The following GPC5 variants were observed in gnomAD, a reference collection of about 807,000 sequenced individuals.
GPC5 encodes the protein glypican-5.
GPC5 carries 47 observed loss-of-function variants against 53.9 expected under a neutral mutation model. That is an observed-to-expected ratio of 0.87 (90% CI 0.69 to 1.11). The LOEUF (loss-of-function observed/expected upper bound fraction) is 1.11, where lower values mean the gene tolerates loss of function less well. Among genes scored for constraint, GPC5 ranks in the 50% most tolerant of loss-of-function variants. The pLI is 0.00. For missense variants in GPC5, 748 were observed against 713.1 expected (o/e 1.05, Z -0.56); for synonymous variants, 286 against 263.3 (o/e 1.09, Z -0.84).
chr13:92,175,821 A>G (rs1424311237), intron 7 of GPC5, among the ~76,000 whole-genome samples: 1 of 152,142 alleles, frequency 6.6e-6, no homozygotes, highest in East Asian at 1.9e-4. Flanking sequence ...ACAGCCAGGC[A>G]CATTTATCTC....
At chr13:91,696,409 C>G (rs1424156916) in intron 3 of GPC5, among the ~76,000 whole-genome samples, 1 of 152,032 alleles carries the variant, frequency 6.6e-6, no homozygotes, top group Non-Finnish European at 1.5e-5. Context: ...CTTATGGGAA[C>G]AGAAGAAGAA....
chr13:92,451,710 C>G (rs1052474533), intron 7 of GPC5, among the ~76,000 whole-genome samples: 1 of 152,084 alleles, frequency 6.6e-6, no homozygotes, highest in Non-Finnish European at 1.5e-5. Context: ...TAATGGGTGT[C>G]GATAGAGACT....
chr13:92,151,525 C>T (rs557377222), intron 7 of GPC5, among the ~76,000 whole-genome samples: 1 of 152,184 alleles, frequency 6.6e-6, no homozygotes, highest in South Asian at 2.1e-4. Flanking sequence ...GGAACTGTAA[C>T]ACTTAGGCCA....
intron 1 of GPC5, among the ~76,000 whole-genome samples, chr13:91,400,664 G>T (rs545304541): frequency 6.6e-6 from 1 of 152,208 alleles, no homozygotes; most frequent in Admixed American, 6.5e-5. Context: ...CCCCAAATAT[G>T]GTAACTTTGC....
At chr13:92,382,728 T>C (rs2043759200) in intron 7 of GPC5, among the ~76,000 whole-genome samples, 3 of 152,204 alleles carry the variant, frequency 2.0e-5, no homozygotes, top group African/African-American at 7.2e-5. Flanking sequence ...AATCGCATTA[T>C]GGCCGGGCGC....
intron 5 of GPC5, among the ~76,000 whole-genome samples, chr13:91,806,829 G>T (rs2038229737): frequency 6.6e-6 from 1 of 152,114 alleles, no homozygotes; most frequent in African/African-American, 2.4e-5. Flanking sequence ...GCGAGAAATG[G>T]GGAGGAGGAA....
chr13:91,849,657 A>C (rs2038891634), intron 5 of GPC5, among the ~76,000 whole-genome samples: 1 of 152,174 alleles, frequency 6.6e-6, no homozygotes, highest in Non-Finnish European at 1.5e-5. Context: ...ACTCAAAGAA[A>C]TATGAGTTTC....
At chr13:92,692,776 T>TTTTTTTTTTTTTTTTTTTTTTTTTTTTC (rs1887448702) in intron 7 of GPC5, among the ~76,000 whole-genome samples, 1 of 146,516 alleles carries the variant, frequency 6.8e-6, no homozygotes, top group Non-Finnish European at 1.5e-5. Flanking sequence ...TTTTTTTTTT[T>TTTTTTTTTTTTTTTTTTTTTTTTTTTTC]ACATTTTACC....
At chr13:92,577,418 A>ATGTGTG (rs56162097) in intron 7 of GPC5, among the ~76,000 whole-genome samples, 8,096 of 145,382 alleles carry the variant, frequency 0.056, 234 homozygotes, top group East Asian at 0.14. Flanking sequence ...ATGTATGTAT[A>ATGTGTG]TGTGTGTGTG....
intron 6 of GPC5, among the ~76,000 whole-genome samples, chr13:91,942,896 A>T (rs955611761): frequency 6.6e-6 from 1 of 152,142 alleles, no homozygotes; most frequent in Non-Finnish European, 1.5e-5. Context: ...ATCCATATAC[A>T]TATTTAAGAA....
chr13:91,825,798 C>T (rs2038567156), intron 5 of GPC5, among the ~76,000 whole-genome samples: 1 of 151,984 alleles, frequency 6.6e-6, no homozygotes, highest in Non-Finnish European at 1.5e-5. Flanking sequence ...ACAAGACAGT[C>T]ATGAAAATGA....
intron 1 of GPC5, among the ~76,000 whole-genome samples, chr13:91,408,073 TTCAC>T (rs1877458189): frequency 6.6e-6 from 1 of 152,138 alleles, no homozygotes; most frequent in African/African-American, 2.4e-5. Context: ...ACATTTAACA[TTCAC>T]TCTCTTAGCA....
At chr13:91,946,450 T>A (rs1387523093) in intron 6 of GPC5, among the ~76,000 whole-genome samples, 1 of 152,118 alleles carries the variant, frequency 6.6e-6, no homozygotes, top group Admixed American at 6.5e-5. Flanking sequence ...CTCTCTAACA[T>A]AATTATATAT....
intron 6 of GPC5, chr13:91,995,045 C>T (rs910691037): frequency 6.6e-6 from 1 of 151,988 alleles, no homozygotes; most frequent in Non-Finnish European, 1.5e-5. Context: ...AATCTCGGCT[C>T]ACTGCAAGAT....
At chr13:92,452,851 G>A (rs1878119261) in intron 7 of GPC5, among the ~76,000 whole-genome samples, 1 of 152,184 alleles carries the variant, frequency 6.6e-6, no homozygotes, top group Admixed American at 6.5e-5. Context: ...TTACAGGCAT[G>A]AGCCACCACG....
chr13:91,931,140 A>C (rs2039818001), intron 6 of GPC5, among the ~76,000 whole-genome samples: 2 of 151,868 alleles, frequency 1.3e-5, no homozygotes, highest in South Asian at 4.1e-4. Context: ...GTTTTCCATC[A>C]TTCTTTCTGT....
chr13:91,683,744 G>T (rs1033300127), intron 2 of GPC5, among the ~76,000 whole-genome samples: 4 of 152,102 alleles, frequency 2.6e-5, no homozygotes. Context: ...ATTTCCTCCT[G>T]CAGTTCCCAT....
intron 7 of GPC5, among the ~76,000 whole-genome samples, chr13:92,602,233 C>CAGATATATATAT: frequency 8.4e-6 from 1 of 119,486 alleles, no homozygotes; most frequent in African/African-American, 3.4e-5. Flanking sequence ...ATATATATAA[C>CAGATATATATAT]ATATATATAT....
Position 91,792,873 on chromosome 13 carries a change from G to A in GPC5, c.1280+36453G>A, listed in dbSNP as rs185008097. On this transcript the variant is annotated intron_variant, in intron 5 of 7. Coordinates refer to ENST00000377067, the MANE Select transcript of GPC5 (RefSeq NM_004466.6). ...GTTTTATGCAGCATGTGGTTGCCGC[G>A]TGAGTCTCTCTGAATATCACTATAC... 7.2e-5 allele frequency among the ~76,000 whole-genome samples: 11 copies of A among 152,260 alleles called. 1 individual carries two copies. Among genetic ancestry groups the A allele is most frequent in the South Asian group, 2.1e-4 (1 of 4,810 alleles).
Sources: allele counts gnomAD v4.1 joint callset (sites outside exome capture counted in the v4.1 genomes callset), GRCh38; gene constraint gnomAD v4.1.1; transcripts MANE v1.5; gene names NCBI Gene and HGNC (gene_info 2026-07-23, HGNC 2026-07-21).